Variants in NRXN1 observed in about 807,000 individuals in gnomAD.
NRXN1 encodes neurexin 1, also known as neurexin-1.
In NRXN1, 39 loss-of-function variants were observed where a neutral mutation model predicts 150.9. The ratio of observed to expected loss-of-function variants is 0.26; its 90% CI spans 0.20 to 0.34. NRXN1 has a LOEUF of 0.34. NRXN1 is among the 10% of genes least tolerant of loss of function. The pLI, the probability that NRXN1 is intolerant of heterozygous loss-of-function variation, is 1.00. For synonymous variants in NRXN1, 924 were observed against 757.0 expected (o/e 1.22, Z -3.62); for missense variants, 1,815 against 1,949.9 (o/e 0.93, Z 1.30).
At chr2:50,984,633 G>A (rs1043073092) in intron 2 of NRXN1, among the ~76,000 whole-genome samples, 5 of 152,022 alleles carry the variant, frequency 3.3e-5, no homozygotes, top group Non-Finnish European at 5.9e-5. Context: ...CTTAAAATGT[G>A]TTTTCCTCTT....
intron 5 of NRXN1, among the ~76,000 whole-genome samples, chr2:50,689,199 G>C (rs546138651): frequency 1.3e-5 from 2 of 151,994 alleles, no homozygotes; most frequent in South Asian, 2.1e-4. Context: ...TATCACTGGA[G>C]AGACACAAGA....
chr2:50,969,355 C>T (rs1694644844), intron 2 of NRXN1, among the ~76,000 whole-genome samples: 1 of 152,048 alleles, frequency 6.6e-6, no homozygotes, highest in Admixed American at 6.6e-5. Context: ...AAAAATATTG[C>T]TTAATTTTCT....
At chr2:50,212,567 T>C (rs1267070246) in intron 18 of NRXN1, among the ~76,000 whole-genome samples, 1 of 151,874 alleles carries the variant, frequency 6.6e-6, no homozygotes, top group African/African-American at 2.4e-5. Context: ...AAGTTTGTCA[T>C]TTATATGTTT....
rs182838230 is a variant in NRXN1, at chr2:50,889,072, T to C, written c.832+32797A>G. On this transcript the variant is annotated intron_variant, in intron 5 of 22. Transcript: ENST00000401669. ...ACACAGACAGCATATTTTCATCATG[T>C]TTAATCACAACTTGATCATTTCTCA... Among the ~76,000 whole-genome samples, 331 of 151,816 alleles carry C rather than the reference T, an allele frequency of 2.2e-3. 2 individuals carry two copies. Among genetic ancestry groups the C allele is most frequent in the Middle Eastern group, 6.8e-3 (2 of 294 alleles).
chr2:49,992,519 G>A (rs1011944169), intron 21 of NRXN1, among the ~76,000 whole-genome samples: 1 of 152,106 alleles, frequency 6.6e-6, no homozygotes, highest in Non-Finnish European at 1.5e-5. Context: ...GGCGGAGGTT[G>A]CAGTGAGCCC....
chr2:50,980,526 T>G (rs1163643837), intron 2 of NRXN1, among the ~76,000 whole-genome samples: 2 of 152,110 alleles, frequency 1.3e-5, no homozygotes, highest in African/African-American at 4.8e-5. Flanking sequence ...AAGTGACAAA[T>G]ATTAATTAGG....
intron 18 of NRXN1, among the ~76,000 whole-genome samples, chr2:50,230,740 A>G (rs912672772): frequency 6.6e-6 from 1 of 152,076 alleles, no homozygotes; most frequent in Non-Finnish European, 1.5e-5. Context: ...AAAGATGATG[A>G]CCAGTAATTT....
rs560246547 is a variant in NRXN1, at chr2:49,934,603, G to A, written c.4216+9101C>T. On this transcript the variant is annotated intron_variant, in intron 22 of 22. Transcript: ENST00000401669. ...AAAGATTAGATAACTTCCCCTCTGA[G>A]CCCATTAGAGGGAAGTGTGTCAAGT... 2.6e-5 allele frequency among the ~76,000 whole-genome samples: 4 copies of A among 152,276 alleles called. No homozygotes were observed. The South Asian group carries it at 8.3e-4, about 32-fold the overall frequency.
At chr2:50,189,127 T>C (rs958408182) in intron 18 of NRXN1, among the ~76,000 whole-genome samples, 2 of 152,094 alleles carry the variant, frequency 1.3e-5, no homozygotes, top group African/African-American at 4.8e-5. Context: ...CAAATGATCA[T>C]CAATGATAGA....
chr2:51,027,374 G>C (rs981313675), intron 2 of NRXN1, 128 bp downstream of exon 2: 2 of 952,684 alleles, frequency 2.1e-6, no homozygotes, highest in Non-Finnish European at 2.9e-6. Context: ...CCAGAAACAA[G>C]GTCCTTCCCT....
chr2:50,453,925 T>C (rs1414825952), intron 17 of NRXN1, among the ~76,000 whole-genome samples: 1 of 152,210 alleles, frequency 6.6e-6, no homozygotes, highest in Admixed American at 6.5e-5. Context: ...CATTTCACAA[T>C]GATCTGATGA....
chr2:50,613,978 T>C (rs934037155), intron 8 of NRXN1, among the ~76,000 whole-genome samples: 1 of 152,106 alleles, frequency 6.6e-6, no homozygotes, highest in African/African-American at 2.4e-5. Flanking sequence ...AGTTCTATAA[T>C]GATATGGTAA....
chr2:50,254,927 C>T (rs2152903780), intron 17 of NRXN1, among the ~76,000 whole-genome samples: 1 of 152,216 alleles, frequency 6.6e-6, no homozygotes, highest in South Asian at 2.1e-4. Flanking sequence ...CCACCTCAGC[C>T]TCCCAGATAG....
At chr2:50,501,903 T>C (rs1384435438) in intron 13 of NRXN1, among the ~76,000 whole-genome samples, 1 of 152,144 alleles carries the variant, frequency 6.6e-6, no homozygotes, top group African/African-American at 2.4e-5. Context: ...ACGATAAAAC[T>C]TAAAGATATG....
chr2:50,538,709 G>T (rs1014175460), intron 9 of NRXN1, 73 bp from the exon 10 acceptor site: 1 of 1,271,366 alleles, frequency 7.9e-7, no homozygotes, highest in Non-Finnish European at 1.0e-6. Flanking sequence ...TCTCTCTTTC[G>T]TCTGCTTGAT....
intron 17 of NRXN1, among the ~76,000 whole-genome samples, chr2:50,295,307 T>A (rs1164098160): frequency 1.3e-5 from 2 of 152,180 alleles, no homozygotes; most frequent in Non-Finnish European, 2.9e-5. Context: ...AGAGTTTGGA[T>A]AGGTCAATGA....
At chr2:50,971,609 A>C (rs1171746955) in intron 2 of NRXN1, among the ~76,000 whole-genome samples, 1 of 151,954 alleles carries the variant, frequency 6.6e-6, no homozygotes. Context: ...ATAAAAAATA[A>C]ATAAAATAAA....
At chr2:50,625,761 T>C (rs969293717) in intron 5 of NRXN1, among the ~76,000 whole-genome samples, 1 of 152,060 alleles carries the variant, frequency 6.6e-6, no homozygotes, top group African/African-American at 2.4e-5. Flanking sequence ...CTGAAAATGG[T>C]TAGAGATACC....
intron 5 of NRXN1, among the ~76,000 whole-genome samples, chr2:50,634,089 A>G (rs1032584631): frequency 6.6e-6 from 1 of 152,168 alleles, no homozygotes; most frequent in Admixed American, 6.5e-5. Flanking sequence ...GAGCTGTGGG[A>G]TGGGGCTATG....
Sources: allele counts gnomAD v4.1 joint callset (sites outside exome capture counted in the v4.1 genomes callset), GRCh38; gene constraint gnomAD v4.1.1; transcripts MANE v1.5; gene names NCBI Gene and HGNC (gene_info 2026-07-23, HGNC 2026-07-21).